Variants in COPG2 observed in about 807,000 individuals in gnomAD.
The protein encoded by COPG2 is coatomer subunit gamma-2.
Under a neutral mutation model 46.3 loss-of-function variants are expected in COPG2, and 37 were observed. That is an observed-to-expected ratio of 0.80 (90% CI 0.61 to 1.05). The LOEUF (loss-of-function observed/expected upper bound fraction) is 1.05. Ranked by LOEUF, COPG2 falls within the 50% of genes least tolerant of loss-of-function variation. The pLI is 0.00. For missense variants in COPG2, 427 were observed against 387.8 expected, an observed-to-expected ratio of 1.10 and a Z score of -0.85; for synonymous variants, 159 against 129.7, an observed-to-expected ratio of 1.23 and a Z score of -1.53.
At chr7:130,583,493 TAAAAAAAAAA>T (rs782593413) in intron 9 of COPG2, among the ~76,000 whole-genome samples, 7 of 34,386 alleles carry the variant, frequency 2.0e-4, no homozygotes, top group African/African-American at 5.8e-4. Flanking sequence ...ACATAAAGTA[TAAAAAAAAAA>T]AAAAAAAAAA....
At chr7:130,621,576 AG>A (rs1405702706) in intron 5 of COPG2, among the ~76,000 whole-genome samples, 1 of 152,190 alleles carries the variant, frequency 6.6e-6, no homozygotes, top group Non-Finnish European at 1.5e-5. Context: ...TGGGAGGCCA[AG>A]GCGGGTGGAT....
rs1161441443 is a variant in COPG2 at position 130,531,837 on chromosome 7, A to G, written c.2149+15837T>C. Among the ~76,000 whole-genome samples, 189 of 78,880 alleles carry G rather than the reference A, an allele frequency of 2.4e-3. 1 individual carries two copies. Among genetic ancestry groups the G allele is most frequent in the Non-Finnish European group, 3.0e-3 (122 of 40,668 alleles). 51.7% of individuals were successfully genotyped at this position (78,880 alleles called of 152,430 possible). A position where few individuals can be genotyped will look rare whatever the true frequency, so the allele number is the denominator to read the frequency against. On this transcript the variant is annotated intron_variant, in intron 20 of 23. Transcript: ENST00000425248. ...TCCACAGCAGTGATTCTTATCTGGG[A>G]TGGGGGGGTGGGTTTCACCCGAGGG... is the stretch of plus-strand genomic sequence containing the variant.
chr7:130,655,591 T>G (rs1795834020), intron 4 of COPG2, among the ~76,000 whole-genome samples: 1 of 152,144 alleles, frequency 6.6e-6, no homozygotes, highest in Non-Finnish European at 1.5e-5. Flanking sequence ...CCCCTCTTTT[T>G]TCTCTCCAGC....
chr7:130,613,516 A>ACTTATAG (rs1554452439), intron 7 of COPG2, 28 bp downstream of exon 7: 17 of 1,377,382 alleles, frequency 1.2e-5, no homozygotes, highest in Non-Finnish European at 1.7e-5. Flanking sequence ...ACCATGCTTA[A>ACTTATAG]GAACTAGGAA....
At chr7:130,588,593 C>T (rs1037046790) in intron 9 of COPG2, among the ~76,000 whole-genome samples, 2 of 151,764 alleles carry the variant, frequency 1.3e-5, no homozygotes, top group South Asian at 4.2e-4. Flanking sequence ...GGGAATTGAA[C>T]AATGAGAACA....
At chr7:130,508,510 C>A in intron 21 of COPG2, 52 bp downstream of exon 21, 1 of 725,566 alleles carries the variant, frequency 1.4e-6, no homozygotes, top group South Asian at 1.5e-5. Flanking sequence ...AGGCAGAAGT[C>A]ACTTAGTGTT....
chr7:130,620,170 C>G (rs1304389085), intron 5 of COPG2, among the ~76,000 whole-genome samples: 2 of 152,210 alleles, frequency 1.3e-5, no homozygotes, highest in African/African-American at 4.8e-5. Flanking sequence ...GTTTTGCCCT[C>G]TCATCTCTAT....
chr7:130,606,311 A>T (rs1184047127), intron 9 of COPG2, among the ~76,000 whole-genome samples: 2 of 151,884 alleles, frequency 1.3e-5, no homozygotes, highest in Admixed American at 6.6e-5. Context: ...AAAAGAAAGA[A>T]AGAGAAAAGA....
At chr7:130,657,086 T>C (rs1563073051) in intron 4 of COPG2, among the ~76,000 whole-genome samples, 1 of 151,848 alleles carries the variant, frequency 6.6e-6, no homozygotes, top group South Asian at 2.1e-4. Context: ...ATAGAAAGAT[T>C]TGCACTATAA....
At chr7:130,589,236 T>C (rs1794350081) in intron 9 of COPG2, among the ~76,000 whole-genome samples, 1 of 152,200 alleles carries the variant, frequency 6.6e-6, no homozygotes, top group Non-Finnish European at 1.5e-5. Flanking sequence ...CTGCAGCAGA[T>C]ATGCAAGGGA....
chr7:130,600,956 G>A (rs1794622738), intron 9 of COPG2, among the ~76,000 whole-genome samples: 1 of 152,168 alleles, frequency 6.6e-6, no homozygotes, highest in Admixed American at 6.5e-5. Flanking sequence ...TCACTTTTGA[G>A]ATTCGGTTAT....
Position 130,513,040 on chromosome 7 carries a change from C to T in COPG2, c.2150-4381G>A, listed in dbSNP as rs188650053. On this transcript the variant is annotated intron_variant, in intron 20 of 23. Coordinates refer to ENST00000425248, the MANE Select transcript of COPG2 (RefSeq NM_012133.6). Reference sequence around the variant, plus strand: ...GTGGCTCATGCCTGTAATCCCAGCACTTCAGGGGACTGAGACAGGTGGATC... The same window carrying T: ...GTGGCTCATGCCTGTAATCCCAGCATTTCAGGGGACTGAGACAGGTGGATC... Among the ~76,000 whole-genome samples, 439 of 151,706 alleles carry T rather than the reference C, an allele frequency of 2.9e-3. 1 individual carries two copies. The highest frequency in any genetic ancestry group is 4.7e-3 in the Non-Finnish European group (318 of 67,872).
intron 9 of COPG2, among the ~76,000 whole-genome samples, chr7:130,574,374 C>G (rs1161462760): frequency 6.6e-6 from 1 of 152,188 alleles, no homozygotes; most frequent in Non-Finnish European, 1.5e-5. Flanking sequence ...TCACAGGACT[C>G]TGCAGACAAT....
intron 5 of COPG2, among the ~76,000 whole-genome samples, chr7:130,628,028 C>T (rs998588991): frequency 6.6e-6 from 1 of 152,140 alleles, no homozygotes; most frequent in Admixed American, 6.5e-5. Context: ...GAAGTCCATA[C>T]ATGTCATTCA....
intron 20 of COPG2, among the ~76,000 whole-genome samples, chr7:130,525,834 C>T (rs1421203291): frequency 2.6e-5 from 4 of 152,024 alleles, no homozygotes; most frequent in African/African-American, 9.7e-5. Flanking sequence ...TGGAAAACTT[C>T]ATCTAGAGGA....
At chr7:130,607,224 G>A (rs1479010937) in intron 9 of COPG2, among the ~76,000 whole-genome samples, 1 of 149,906 alleles carries the variant, frequency 6.7e-6, no homozygotes, top group East Asian at 2.0e-4. Context: ...CTTCACAACA[G>A]AGTGAGAGAG....
intron 7 of COPG2, among the ~76,000 whole-genome samples, chr7:130,613,021 G>A (rs1794881259): frequency 6.6e-6 from 1 of 152,016 alleles, no homozygotes; most frequent in African/African-American, 2.4e-5. Context: ...TCAAACATAC[G>A]AACATTTTAT....
intron 5 of COPG2, among the ~76,000 whole-genome samples, chr7:130,627,613 G>A (rs552898128): frequency 3.5e-4 from 53 of 152,074 alleles, no homozygotes; most frequent in African/African-American, 9.6e-4. Context: ...TCTTTTTACC[G>A]TCTTCATGAC....
At chr7:130,620,963 C>CT (rs782756058) in intron 5 of COPG2, among the ~76,000 whole-genome samples, 3 of 152,142 alleles carry the variant, frequency 2.0e-5, no homozygotes, top group South Asian at 2.1e-4. Flanking sequence ...GCAAAAGGTA[C>CT]TTTGCAGATG....
Sources: allele counts gnomAD v4.1 joint callset (sites outside exome capture counted in the v4.1 genomes callset), GRCh38; gene constraint gnomAD v4.1.1; transcripts MANE v1.5; gene names NCBI Gene and HGNC (gene_info 2026-07-23, HGNC 2026-07-21).